RFC1: variants seen among roughly 807,000 people sequenced by gnomAD.
The protein encoded by RFC1 is replication factor C subunit 1.
Under a neutral mutation model 137.4 loss-of-function variants are expected in RFC1, and 37 were observed. The observed-to-expected ratio is 0.27, with a 90% confidence interval of 0.21 to 0.35. RFC1 has a LOEUF of 0.35. Ranked by LOEUF, RFC1 falls within the 10% of genes least tolerant of loss-of-function variation. The pLI, the probability that RFC1 is intolerant of heterozygous loss-of-function variation, is 1.00. For missense variants in RFC1, 1,205 were observed against 1,358.5 expected, an observed-to-expected ratio of 0.89 and a Z score of 1.78; for synonymous variants, 429 against 455.7, an observed-to-expected ratio of 0.94 and a Z score of 0.75.
intron 4 of RFC1, among the ~76,000 whole-genome samples, chr4:39,333,638 T>C (rs959270582): frequency 6.6e-6 from 1 of 152,070 alleles, no homozygotes; most frequent in Non-Finnish European, 1.5e-5. Flanking sequence ...TGTTCTTTTA[T>C]GTGCACCCTA....
Position 39,302,720 on chromosome 4 carries a change from A to G in RFC1, c.2340+17T>C. On this transcript the variant is annotated intron_variant, in intron 17 of 24. Transcript: ENST00000349703. ...AAATAGGCTAGTGTGATGGAAAAAA[A>G]ATTTCAATCATCATACCTTAATCTG... is the stretch of plus-strand genomic sequence containing the variant. 1 of 1,556,496 alleles carries G rather than the reference A, an allele frequency of 6.4e-7. No individual in the cohort carries two copies. The highest frequency in any genetic ancestry group is 8.6e-7 in the Non-Finnish European group (1 of 1,157,778).
chr4:39,363,096 ATG>A (rs1741839522), intron 1 of RFC1, among the ~76,000 whole-genome samples: 1 of 152,210 alleles, frequency 6.6e-6, no homozygotes, highest in African/African-American at 2.4e-5. Context: ...CTTAAGTCTC[ATG>A]TGTGTTTAAT....
intron 1 of RFC1, among the ~76,000 whole-genome samples, chr4:39,364,298 CTT>C (rs1741914697): frequency 2.0e-5 from 3 of 150,128 alleles, no homozygotes; most frequent in Admixed American, 6.7e-5. Flanking sequence ...TGTCTTATAA[CTT>C]TGCACAAGTG....
At chr4:39,354,777 A>G (rs911183380) in intron 1 of RFC1, among the ~76,000 whole-genome samples, 2 of 148,278 alleles carry the variant, frequency 1.3e-5, no homozygotes, top group Non-Finnish European at 3.0e-5. Context: ...AAAAAAAGCA[A>G]CTAACTTAAA....
At chr4:39,344,200 G>GA (rs1455712588) in intron 3 of RFC1, among the ~76,000 whole-genome samples, 1 of 151,708 alleles carries the variant, frequency 6.6e-6, no homozygotes, top group Non-Finnish European at 1.5e-5. Flanking sequence ...AGCAAAAACT[G>GA]AAACTTTCTG....
intron 2 of RFC1, among the ~76,000 whole-genome samples, chr4:39,347,348 T>C (rs533133421): frequency 2.6e-5 from 4 of 152,336 alleles, no homozygotes; most frequent in African/African-American, 9.6e-5. Context: ...GAATTCCTCC[T>C]GCCCGACTGC....
chr4:39,312,717 AGGTGTCAT>A, intron 11 of RFC1, 27 bp downstream of exon 11: 1 of 1,574,400 alleles, frequency 6.4e-7, no homozygotes, highest in Non-Finnish European at 8.7e-7. Flanking sequence ...GGCAGGCAGG[AGGTGTCAT>A]GGTGTTGAGA....
At chr4:39,354,324 T>C (rs931298243) in intron 1 of RFC1, among the ~76,000 whole-genome samples, 4 of 152,214 alleles carry the variant, frequency 2.6e-5, no homozygotes, top group African/African-American at 9.7e-5. Flanking sequence ...CCTTAATTTA[T>C]AGCACGTGAC....
At chr4:39,296,799 C>G (rs1342538948) in intron 21 of RFC1, among the ~76,000 whole-genome samples, 130 of 148,946 alleles carry the variant, frequency 8.7e-4, no homozygotes, top group Middle Eastern at 3.5e-3. Context: ...AATGGTATTT[C>G]TAGTTCTAGA....
chr4:39,299,530 A>G (rs6820894), intron 21 of RFC1, among the ~76,000 whole-genome samples: 10,249 of 149,208 alleles, frequency 0.069, 1,181 homozygotes, highest in African/African-American at 0.24. Flanking sequence ...GGAGAATGGC[A>G]TGAACCCAGG....
intron 2 of RFC1, among the ~76,000 whole-genome samples, chr4:39,348,538 G>T (rs1235970063): frequency 1.3e-5 from 2 of 151,096 alleles, no homozygotes; most frequent in African/African-American, 4.9e-5. Context: ...TTGATAAAGA[G>T]ATTATGGGAT....
intron 1 of RFC1, among the ~76,000 whole-genome samples, chr4:39,365,024 A>ATGGTGG (rs1741950684): frequency 6.6e-6 from 1 of 152,128 alleles, no homozygotes; most frequent in African/African-American, 2.4e-5. Flanking sequence ...GGGAAGTAGT[A>ATGGTGG]TAACATGGTG....
Position 39,288,774 on chromosome 4 carries a change from C to T in RFC1, c.3431G>A (p.Ser1144Asn). The T allele has an allele frequency of 3.1e-6, 5 of 1,610,552 alleles. No homozygotes were observed. The highest frequency in any genetic ancestry group is 4.2e-6 in the Non-Finnish European group (5 of 1,177,514). Residue 1144 changes from serine (S) to asparagine (N), a missense_variant, in exon 25 of 25, where the codon AGT becomes AAT. Transcript: ENST00000349703. ...DKEPRKGKGKSSKK is the reference protein window; with the variant it reads ...DKEPRKGKGKNSKK ...TGAAAAATGGTTTCATTTCTTCGAA[C>T]TTTTTCCTTTTCCTTTTCTGGGCTC... is the stretch of plus-strand genomic sequence containing the variant.
At chr4:39,360,037 TAATA>T (rs1741673028) in intron 1 of RFC1, among the ~76,000 whole-genome samples, 1 of 151,988 alleles carries the variant, frequency 6.6e-6, no homozygotes, top group East Asian at 1.9e-4. Flanking sequence ...TTAAAAATAA[TAATA>T]AATAAATAAA....
At chr4:39,344,007 G>A (rs1196666573) in intron 3 of RFC1, among the ~76,000 whole-genome samples, 1 of 151,934 alleles carries the variant, frequency 6.6e-6, no homozygotes, top group Middle Eastern at 3.2e-3. Context: ...CCAGCTACCT[G>A]GGAGGCTGAG....
chr4:39,348,566 TGTCA>T (rs1439805889), intron 2 of RFC1, among the ~76,000 whole-genome samples: 1 of 151,460 alleles, frequency 6.6e-6, no homozygotes, highest in African/African-American at 2.4e-5. Flanking sequence ...GCAAAAACAC[TGTCA>T]GTTTGAATTG....
At chr4:39,356,544 C>A (rs1578174239) in intron 1 of RFC1, among the ~76,000 whole-genome samples, 1 of 152,088 alleles carries the variant, frequency 6.6e-6, no homozygotes, top group Non-Finnish European at 1.5e-5. Context: ...TTAAAAGAAT[C>A]TTTTAATTGG....
rs75157191 is a variant in RFC1, at chr4:39,314,643, G to A, written c.1204-1712C>T. On this transcript the variant is annotated intron_variant, in intron 10 of 24. Transcript: ENST00000349703. ...TCTCATACCCATGTACAGGAGGCAA[G>A]ACTGGCATCTTCCTGCAGGCTCCCA... Among the ~76,000 whole-genome samples, 34 of 152,084 alleles carry A rather than the reference G, an allele frequency of 2.2e-4. 1 individual carries two copies. In the East Asian group the frequency reaches 6.4e-3, roughly 29 times the overall value.
chr4:39,362,020 CAG>C (rs1452209448), intron 1 of RFC1, among the ~76,000 whole-genome samples: 1 of 151,932 alleles, frequency 6.6e-6, no homozygotes, highest in Non-Finnish European at 1.5e-5. Flanking sequence ...GCATGGGCAA[CAG>C]AGCGAGACTG....
Sources: allele counts gnomAD v4.1 joint callset (sites outside exome capture counted in the v4.1 genomes callset), GRCh38; gene constraint gnomAD v4.1.1; transcripts MANE v1.5; gene names NCBI Gene and HGNC (gene_info 2026-07-23, HGNC 2026-07-21).